DAPK1: variants seen among roughly 807,000 people sequenced by gnomAD.
The protein encoded by DAPK1 is death associated protein kinase 1, also known as death-associated protein kinase 1.
Under a neutral mutation model 144.9 loss-of-function variants are expected in DAPK1, and 56 were observed. The ratio of observed to expected loss-of-function variants is 0.39; its 90% CI spans 0.31 to 0.48. The LOEUF (loss-of-function observed/expected upper bound fraction) is 0.48, where lower values mean the gene tolerates loss of function less well. Ranked by LOEUF, DAPK1 falls within the 20% of genes least tolerant of loss-of-function variation. The pLI, the probability that DAPK1 is intolerant of heterozygous loss-of-function variation, is 0.95. For synonymous variants in DAPK1, 690 were observed against 749.0 expected, an observed-to-expected ratio of 0.92 and a Z score of 1.29; for missense variants, 1,454 against 1,875.4, an observed-to-expected ratio of 0.78 and a Z score of 4.15.
chr9:87,534,316 T>C (rs934087516), intron 2 of DAPK1, among the ~76,000 whole-genome samples: 12 of 150,630 alleles, frequency 8.0e-5, no homozygotes, highest in African/African-American at 2.4e-4. Flanking sequence ...AGTTTTGAAA[T>C]TGACAATTTC....
At position 87,498,084 on chromosome 9, in the gene DAPK1, C is replaced by T. The variant is rs1824245114; in HGVS notation, c.-132C>T. 1 of 397,672 alleles carries T rather than the reference C, an allele frequency of 2.5e-6. No individual in the cohort carries two copies. The highest frequency in any genetic ancestry group is 2.1e-5 in the African/African-American group (1 of 48,608). 24.6% of individuals were successfully genotyped at this position (397,672 alleles called of 1,614,324 possible). A position where few individuals can be genotyped will look rare whatever the true frequency, so the allele number is the denominator to read the frequency against. ...GGCCTCCGACAGCGCTCCGGAGGGA[C>T]CGGGGGAGCTCCCAGGCGCCCGGGT... On this transcript the variant is annotated 5_prime_UTR_variant, in exon 1 of 26. Coordinates refer to ENST00000408954, the MANE Select transcript of DAPK1 (RefSeq NM_004938.4).
At chr9:87,681,870 A>G (rs1824642788) in intron 20 of DAPK1, 1 of 565,438 alleles carries the variant, frequency 1.8e-6, no homozygotes, top group Admixed American at 3.0e-5. Flanking sequence ...AGCCACAGAC[A>G]CAAAGGTCCA....
At chr9:87,605,397 A>C (rs931427595) in intron 3 of DAPK1, among the ~76,000 whole-genome samples, 2 of 152,300 alleles carry the variant, frequency 1.3e-5, no homozygotes, top group East Asian at 3.9e-4. Context: ...GGTTCCACCC[A>C]GTTTGCAAGA....
At chr9:87,638,457 G>C (rs1829979324) in intron 4 of DAPK1, among the ~76,000 whole-genome samples, 2 of 152,304 alleles carry the variant, frequency 1.3e-5, no homozygotes, top group Non-Finnish European at 2.9e-5. Flanking sequence ...AAAGGCGTAT[G>C]GCCTGACTCT....
chr9:87,635,208 G>A (rs1356670757), intron 3 of DAPK1, among the ~76,000 whole-genome samples: 48 of 152,114 alleles, frequency 3.2e-4, no homozygotes, highest in Admixed American at 3.1e-3. Flanking sequence ...GGCAAAGCCT[G>A]AGGCCAGGGC....
rs897470650 is a variant in DAPK1, at chr9:87,499,143, A to G, written c.62+4A>G. On this transcript the variant is annotated splice_donor_region_variant and intron_variant, in intron 2 of 25. Coordinates refer to ENST00000408954, the MANE Select transcript of DAPK1 (RefSeq NM_004938.4). ...ACACCGGCGAGGAACTTGGCAGGTA[A>G]AGGGGGTACCAGAAGCGTACCCTCC... 1 of 1,613,330 alleles carries G rather than the reference A, an allele frequency of 6.2e-7. No individual in the cohort carries two copies. The highest frequency in any genetic ancestry group is 8.5e-7 in the Non-Finnish European group (1 of 1,179,338).
In DAPK1 at chr9:87,639,806, C is replaced by T; in HGVS notation, c.620C>T (p.Thr207Ile). ...EADMWSIGVITYILLSGASPF... is the reference protein window; with the variant it reads ...EADMWSIGVIIYILLSGASPF... ...GTTTTTAGGAGTATCGGGGTAATAACCTATATCCTGTAAGTATCAGAATTC... is the reference window on the plus strand; with the variant it reads ...GTTTTTAGGAGTATCGGGGTAATAATCTATATCCTGTAAGTATCAGAATTC... The change falls in exon 7 of 26, where the codon ACC becomes ATC. Residue 207 changes from threonine to isoleucine, a missense_variant. Around this residue, in one of 2 missense-constraint regions of DAPK1, gnomAD observed 429 missense variants for 637.5 expected, o/e 0.67. Transcript: ENST00000408954. The T allele has an allele frequency of 6.2e-7, 1 of 1,613,380 alleles. No homozygotes were observed. Among genetic ancestry groups the T allele is most frequent in the Non-Finnish European group, 8.5e-7 (1 of 1,179,498 alleles).
intron 21 of DAPK1, among the ~76,000 whole-genome samples, chr9:87,694,304 C>T (rs1233436219): frequency 1.3e-5 from 2 of 152,124 alleles, no homozygotes; most frequent in Admixed American, 1.3e-4. Flanking sequence ...GGCGTGACCT[C>T]AGGCCACTAA....
Position 87,498,988 on chromosome 9 carries a change from GA to G in DAPK1, c.-89del. 1.0e-6 allele frequency: 1 copy of G among 992,898 alleles called. No homozygotes were observed. Among genetic ancestry groups the G allele is most frequent in the East Asian group, 2.4e-5 (1 of 41,776 alleles). 61.5% of individuals were successfully genotyped at this position (992,898 alleles called of 1,614,324 possible). A position where few individuals can be genotyped will look rare whatever the true frequency, so the allele number is the denominator to read the frequency against. On this transcript the variant is annotated 5_prime_UTR_variant, in exon 2 of 26. It removes the in-frame stop codon of an upstream open reading frame in the 5' UTR. Transcript: ENST00000408954. ...TCAAAAGGACTGGAGACTGATGCAT[GA>G]GGGGGCTACGGAGGCGCAGGAGCGG...
At chr9:87,523,171 C>T (rs1013070434) in intron 2 of DAPK1, among the ~76,000 whole-genome samples, 15 of 152,214 alleles carry the variant, frequency 9.9e-5, no homozygotes, top group Non-Finnish European at 1.5e-4. Context: ...GTGCAGCCAT[C>T]ACCACTATCC....
chr9:87,582,518 G>A (rs1827785190), intron 2 of DAPK1, among the ~76,000 whole-genome samples: 2 of 147,892 alleles, frequency 1.4e-5, no homozygotes, highest in African/African-American at 5.0e-5. Flanking sequence ...GCCATGAAGT[G>A]TTTCTCCTTA....
chr9:87,534,791 C>T (rs1004261174), intron 2 of DAPK1, among the ~76,000 whole-genome samples: 8 of 151,924 alleles, frequency 5.3e-5, no homozygotes, highest in African/African-American at 1.7e-4. Context: ...ATTATAGGCA[C>T]GTGCCACCAC....
At chr9:87,518,809 C>T (rs542184965) in intron 2 of DAPK1, among the ~76,000 whole-genome samples, 6 of 152,086 alleles carry the variant, frequency 3.9e-5, no homozygotes, top group South Asian at 2.1e-4. Flanking sequence ...GAGTCTGGCC[C>T]GCGCCCAGTA....
intron 3 of DAPK1, among the ~76,000 whole-genome samples, chr9:87,609,486 A>T (rs1387365755): frequency 6.6e-6 from 1 of 152,180 alleles, no homozygotes. Context: ...GAGGTGTGTT[A>T]TAATTTTTTT....
At chr9:87,692,952 CT>C (rs61324273) in intron 21 of DAPK1, among the ~76,000 whole-genome samples, 2 of 26,404 alleles carry the variant, frequency 7.6e-5, no homozygotes, top group African/African-American at 2.0e-4. Flanking sequence ...AGTGACTAGA[CT>C]TTTTTTTTTT....
chr9:87,604,762 G>A (rs770984109), intron 2 of DAPK1, among the ~76,000 whole-genome samples, 192 bp from the exon 3 acceptor site: 2 of 152,108 alleles, frequency 1.3e-5, no homozygotes, highest in African/African-American at 4.8e-5. Flanking sequence ...ATTCCTTGCA[G>A]CATTATTTAT....
At chr9:87,655,840 C>T (rs919752411) in intron 17 of DAPK1, among the ~76,000 whole-genome samples, 4 of 152,220 alleles carry the variant, frequency 2.6e-5, no homozygotes, top group Admixed American at 1.3e-4. Context: ...ACAGAAGGCA[C>T]GCTGTGCACA....
intron 2 of DAPK1, among the ~76,000 whole-genome samples, chr9:87,601,321 G>C (rs1376242295): frequency 6.6e-6 from 1 of 152,240 alleles, no homozygotes; most frequent in African/African-American, 2.4e-5. Context: ...GAGGCCCCCA[G>C]GTGGGCCTGG....
At chr9:87,673,293 G>C (rs908278447) in intron 19 of DAPK1, among the ~76,000 whole-genome samples, 6 of 152,204 alleles carry the variant, frequency 3.9e-5, no homozygotes, top group Admixed American at 3.9e-4. Flanking sequence ...GACAGCTGAG[G>C]ATGGTGGCCC....
Sources: gnomAD v4.1 joint callset for allele counts (sites outside exome capture counted in the v4.1 genomes callset) on GRCh38, gnomAD v4.1.1 for gene constraint, gnomAD v4.1.1 regional missense constraint, MANE v1.5 for transcripts, NCBI Gene and HGNC (gene_info 2026-07-23, HGNC 2026-07-21) for gene names.